Variants in COL13A1 observed in about 807,000 individuals in gnomAD.
COL13A1 encodes collagen type XIII alpha 1 chain, also known as collagen alpha-1(XIII) chain.
COL13A1 carries 89 observed loss-of-function variants against 130.9 expected under a neutral mutation model. The ratio of observed to expected loss-of-function variants is 0.68; its 90% CI spans 0.57 to 0.81. The LOEUF (loss-of-function observed/expected upper bound fraction) is 0.81. COL13A1 is among the 30% of genes least tolerant of loss of function. The pLI is 0.00. For synonymous variants in COL13A1, 402 were observed against 341.6 expected, an observed-to-expected ratio of 1.18 and a Z score of -1.95; for missense variants, 879 against 934.6, an observed-to-expected ratio of 0.94 and a Z score of 0.78.
At chr10:69,931,680 A>T (rs935463538) in intron 30 of COL13A1, among the ~76,000 whole-genome samples, 1 of 152,156 alleles carries the variant, frequency 6.6e-6, no homozygotes, top group Non-Finnish European at 1.5e-5. Context: ...GGATGGAGGG[A>T]GCATTCCTGG....
At chr10:69,919,391 A>T (rs1007179771) in intron 20 of COL13A1, among the ~76,000 whole-genome samples, 5 of 152,248 alleles carry the variant, frequency 3.3e-5, no homozygotes, top group African/African-American at 4.8e-5. Context: ...CAAGAAAAAA[A>T]GTTTGAGAAA....
chr10:69,931,433 T>C (rs1041234207), intron 30 of COL13A1, among the ~76,000 whole-genome samples: 1 of 152,182 alleles, frequency 6.6e-6, no homozygotes, highest in African/African-American at 2.4e-5. Flanking sequence ...AGCTACTTCA[T>C]TTGAGTGTAA....
At chr10:69,854,766 G>T (rs760340879) in intron 2 of COL13A1, among the ~76,000 whole-genome samples, 35 of 152,256 alleles carry the variant, frequency 2.3e-4, no homozygotes, top group Non-Finnish European at 4.4e-4. Context: ...AAATAGATCA[G>T]TTATGTCTGC....
At chr10:69,927,348 C>T (rs1236172084) in intron 27 of COL13A1, among the ~76,000 whole-genome samples, 3 of 152,166 alleles carry the variant, frequency 2.0e-5, no homozygotes, top group African/African-American at 7.2e-5. Flanking sequence ...TGTGTAAAGG[C>T]TCTTCACCAA....
intron 13 of COL13A1, among the ~76,000 whole-genome samples, chr10:69,898,245 T>C (rs939520069): frequency 5.3e-5 from 8 of 152,296 alleles, no homozygotes; most frequent in South Asian, 4.2e-4. Flanking sequence ...GGCCAGAGCC[T>C]CTGAGTTGGC....
chr10:69,869,779 T>A (rs2058877290), intron 3 of COL13A1, among the ~76,000 whole-genome samples: 1 of 152,216 alleles, frequency 6.6e-6, no homozygotes, highest in Admixed American at 6.5e-5. Flanking sequence ...GGATTCAATT[T>A]AAGGGAGAAT....
chr10:69,915,369 T>C (rs542962575), intron 17 of COL13A1, among the ~76,000 whole-genome samples: 152 of 152,320 alleles, frequency 1.0e-3, no homozygotes, highest in South Asian at 2.7e-3. Flanking sequence ...AATTTAGCTC[T>C]GCCATCCCAC....
intron 17 of COL13A1, among the ~76,000 whole-genome samples, chr10:69,906,247 C>A (rs1391767407): frequency 6.6e-6 from 1 of 152,226 alleles, no homozygotes; most frequent in Non-Finnish European, 1.5e-5. Context: ...GATGAATGGG[C>A]AGATGTATCA....
chr10:69,922,846 T>C, intron 23 of COL13A1, 52 bp downstream of exon 23: 1 of 1,300,222 alleles, frequency 7.7e-7, no homozygotes, highest in Non-Finnish European at 1.1e-6. Context: ...GGGGACTTTG[T>C]CTTCAGCCTG....
intron 37 of COL13A1, 134 bp from the exon 38 acceptor site, chr10:69,947,173 C>T (rs964085947): frequency 3.9e-5 from 30 of 767,810 alleles, no homozygotes; most frequent in Middle Eastern, 6.9e-4. Flanking sequence ...GTCCCCTTTC[C>T]GTGTAGTGGG....
At chr10:69,882,646 T>C (rs1030578807) in intron 7 of COL13A1, among the ~76,000 whole-genome samples, 1 of 152,246 alleles carries the variant, frequency 6.6e-6, no homozygotes, top group Non-Finnish European at 1.5e-5. Flanking sequence ...GTTATCCTCA[T>C]CCCAAAGCCT....
chr10:69,937,697 T>G lies in COL13A1; in HGVS notation c.1860T>G (p.Arg620=), dbSNP rs1226655940. 68 of 1,556,286 alleles carry G rather than the reference T, an allele frequency of 4.4e-5. No individual in the cohort carries two copies. Among genetic ancestry groups the G allele is most frequent in the Non-Finnish European group, 5.9e-5 (66 of 1,127,300 alleles). ...EKGFQGEKGD[R]GPLGLPGASG... is the part of the protein sequence containing the mutation. ...GCTTCCAGGGAGAAAAAGGAGACCG[T>G]GGTCCCCTGGGACTACCCGTAAGTA... Residue 620 remains arginine, a synonymous_variant, in exon 34 of 41, where the codon CGT becomes CGG. Transcript: ENST00000645393.
chr10:69,809,650 C>T (rs1842443925), intron 1 of COL13A1, among the ~76,000 whole-genome samples: 1 of 152,248 alleles, frequency 6.6e-6, no homozygotes, highest in Admixed American at 6.5e-5. Flanking sequence ...ACCTCTCTAA[C>T]TCTGCTGAGG....
intron 2 of COL13A1, among the ~76,000 whole-genome samples, chr10:69,826,532 C>T (rs1356067612): frequency 6.6e-6 from 1 of 152,208 alleles, no homozygotes; most frequent in Non-Finnish European, 1.5e-5. Flanking sequence ...GAAGCCACAG[C>T]TGCCTTCCGG....
At chr10:69,881,747 GTCTTA>G (rs757904239) in intron 7 of COL13A1, among the ~76,000 whole-genome samples, 6 of 152,196 alleles carry the variant, frequency 3.9e-5, no homozygotes, top group Non-Finnish European at 5.9e-5. Context: ...CTCTGTGGTG[GTCTTA>G]TCTTAAGACT....
intron 38 of COL13A1, among the ~76,000 whole-genome samples, chr10:69,949,923 C>T (rs796714779): frequency 1.2e-5 from 1 of 86,296 alleles, no homozygotes; most frequent in East Asian, 3.7e-4. Flanking sequence ...GGGGGGTGCA[C>T]GCATGTTTGT....
chr10:69,908,265 T>C (rs1461202644), intron 17 of COL13A1, among the ~76,000 whole-genome samples: 1 of 152,228 alleles, frequency 6.6e-6, no homozygotes, highest in Non-Finnish European at 1.5e-5. Context: ...CATGGCTTTA[T>C]GGGTGCCTGG....
intron 17 of COL13A1, among the ~76,000 whole-genome samples, chr10:69,911,256 G>A (rs1225257078): frequency 2.0e-5 from 3 of 152,250 alleles, no homozygotes; most frequent in South Asian, 4.1e-4. Context: ...GCCAGCCAGA[G>A]CAAGGGCCCG....
intron 1 of COL13A1, among the ~76,000 whole-genome samples, chr10:69,819,222 G>A (rs1691911149): frequency 6.6e-6 from 1 of 152,192 alleles, no homozygotes; most frequent in Admixed American, 6.5e-5. Context: ...TAGTTTCCTG[G>A]ATTATACAAT....
Sources: allele counts gnomAD v4.1 joint callset (sites outside exome capture counted in the v4.1 genomes callset), GRCh38; gene constraint gnomAD v4.1.1; transcripts MANE v1.5; gene names NCBI Gene and HGNC (gene_info 2026-07-23, HGNC 2026-07-21).